The following SSX3 variants were observed in gnomAD, a reference collection of about 807,000 sequenced individuals.
The protein encoded by SSX3 is protein SSX3.
In SSX3, 6 loss-of-function variants were observed where a neutral mutation model predicts 14.8. The ratio of observed to expected loss-of-function variants is 0.41; its 90% CI spans 0.22 to 0.80. The LOEUF is 0.80. SSX3 is among the 30% of genes least tolerant of loss of function. The pLI, the probability that SSX3 is intolerant of heterozygous loss-of-function variation, is 0.34. For synonymous variants in SSX3, 55 were observed against 52.9 expected, an observed-to-expected ratio of 1.04 and a Z score of -0.18; for missense variants, 163 against 152.2, an observed-to-expected ratio of 1.07 and a Z score of -0.37.
rs781964232 is a variant in SSX3 at position 48,354,083 on chromosome X, T to C, written c.196A>G (p.Ile66Val). Reference sequence around the variant, plus strand: ...TTATTACGCATGAAAGATGGGAGGATGGCCTTGAAACCTAGAAAGAAGCAA... The same window carrying C: ...TTATTACGCATGAAAGATGGGAGGACGGCCTTGAAACCTAGAAAGAAGCAA... ...EAMTKLGFKA[I>V]LPSFMRNKRV... The change falls in exon 4 of 8, where the codon ATC becomes GTC. Residue 66 changes from isoleucine (I) to valine (V), a missense_variant. Transcript: ENST00000298396. The C allele has an allele frequency of 8.3e-7, 1 of 1,208,152 alleles. No individual in the cohort carries two copies. Among genetic ancestry groups the C allele is most frequent in the Admixed American group, 2.2e-5 (1 of 45,799 alleles).
Position 48,346,981 on chromosome X carries a change from G to A in SSX3, c.*59C>T, listed in dbSNP as rs1353191039. ...GGGGTCCACAGCCATGCCCATGTTC[G>A]TGAAAGGTCACCACGTTCTGCTTCT... On this transcript the variant is annotated 3_prime_UTR_variant, in exon 8 of 8. Coordinates refer to ENST00000298396, the MANE Select transcript of SSX3 (RefSeq NM_021014.4). 1.8e-5 allele frequency: 21 copies of A among 1,196,059 alleles called. No homozygotes were observed. The highest frequency in any genetic ancestry group is 2.2e-5 in the Admixed American group (1 of 45,681).
At chrX:48,353,479 G>A (rs1297893751) in intron 4 of SSX3, among the ~76,000 whole-genome samples, 5 of 111,203 alleles carry the variant, frequency 4.5e-5, no homozygotes, top group Admixed American at 1.9e-4. Context: ...TAAAAAATGA[G>A]CTGAGTGTGG....
At chrX:48,352,394 T>C in intron 4 of SSX3, 1 of 375,009 alleles carries the variant, frequency 2.7e-6, no homozygotes, top group Non-Finnish European at 4.8e-6. Flanking sequence ...AGTCTCATCT[T>C]ATTCGATTAC....
chrX:48,347,084 C>G, intron 7 of SSX3, 49 bp from the exon 8 acceptor site: 2 of 1,187,874 alleles, frequency 1.7e-6, no homozygotes, highest in Admixed American at 2.2e-5. Flanking sequence ...GTTCCCACCA[C>G]GTGACAACTC....
intron 5 of SSX3, 29 bp from the exon 6 acceptor site, chrX:48,350,151 A>G: frequency 3.3e-6 from 4 of 1,208,742 alleles, no homozygotes; most frequent in Non-Finnish European, 4.5e-6. Context: ...ATAGATAAAT[A>G]GTATCAGTGA....
At chrX:48,349,339 GA>G in intron 6 of SSX3, 1 of 445,844 alleles carries the variant, frequency 2.2e-6, no homozygotes, top group Admixed American at 5.1e-5. Context: ...CATCAACACC[GA>G]GGCAAGACCC....
Position 48,354,151 on chromosome X carries a change from G to C in SSX3, c.185-57C>G, listed in dbSNP as rs782471901. The C allele has an allele frequency of 5.2e-5, 54 of 1,030,004 alleles. No homozygotes were observed. The South Asian group carries it at 1.0e-3, about 19-fold the overall frequency. 84.9% of individuals were successfully genotyped at this position (1,030,004 alleles called of 1,213,427 possible). On this transcript the variant is annotated intron_variant, in intron 3 of 7. Transcript: ENST00000298396. Reference sequence around the variant, plus strand: ...AGACAAGCTTGGGCCTGGTACGGTGGCTCATGTCTGTAGTACCAACACTTT... The same window carrying C: ...AGACAAGCTTGGGCCTGGTACGGTGCCTCATGTCTGTAGTACCAACACTTT...
intron 7 of SSX3, 86 bp from the exon 8 acceptor site, chrX:48,347,121 C>T: frequency 3.6e-6 from 4 of 1,109,620 alleles, no homozygotes; most frequent in Non-Finnish European, 4.9e-6. Context: ...GACCTGCAGA[C>T]CCTGCACACT....
Position 48,355,814 on chromosome X carries a change from C to G in SSX3, c.-20-545G>C, listed in dbSNP as rs189881183. On this transcript the variant is annotated intron_variant, in intron 1 of 7. Transcript: ENST00000298396. Reference sequence around the variant, plus strand: ...CTGGGTGATTTGTAAGTTATTAGAACGAAGAGAGCTAGAATTTCTGAGACT... The same window carrying G: ...CTGGGTGATTTGTAAGTTATTAGAAGGAAGAGAGCTAGAATTTCTGAGACT... Among the ~76,000 whole-genome samples the G allele has an allele frequency of 2.3e-3, 257 of 111,519 alleles. 3 individuals are homozygous for G. The highest frequency in any genetic ancestry group is 7.8e-3 in the African/African-American group (238 of 30,665).
chrX:48,350,602 T>G (rs2146664186), intron 5 of SSX3, among the ~76,000 whole-genome samples: 1 of 109,049 alleles, frequency 9.2e-6, no homozygotes, highest in Non-Finnish European at 1.9e-5. Context: ...GAGAGGGAAA[T>G]AAATGGCTTG....
At position 48,346,996 on chromosome X, in the gene SSX3, G is replaced by A. The variant is rs1383648686; in HGVS notation, c.*44C>T. On this transcript the variant is annotated 3_prime_UTR_variant, in exon 8 of 8. Coordinates refer to ENST00000298396, the MANE Select transcript of SSX3 (RefSeq NM_021014.4). ...GCCCATGTTCGTGAAAGGTCACCAC[G>A]TTCTGCTTCTCATCATGGGCATGTG... The A allele has an allele frequency of 1.7e-4, 198 of 1,196,293 alleles. 1 individual carries two copies. The highest frequency in any genetic ancestry group is 2.1e-4 in the Non-Finnish European group (185 of 895,012).
chrX:48,346,995 C>G lies in SSX3; in HGVS notation c.*45G>C, dbSNP rs1239579302. On this transcript the variant is annotated 3_prime_UTR_variant, in exon 8 of 8. Transcript: ENST00000298396. Reference sequence around the variant, plus strand: ...TGCCCATGTTCGTGAAAGGTCACCACGTTCTGCTTCTCATCATGGGCATGT... The same window carrying G: ...TGCCCATGTTCGTGAAAGGTCACCAGGTTCTGCTTCTCATCATGGGCATGT... 2 of 1,198,117 alleles carry G rather than the reference C, an allele frequency of 1.7e-6. No homozygotes were observed. Among genetic ancestry groups the G allele is most frequent in the Non-Finnish European group, 2.2e-6 (2 of 895,270 alleles).
Position 48,354,069 on chromosome X carries a change from G to A in SSX3, c.210C>T (p.Phe70=), listed in dbSNP as rs782019918. 4.1e-6 allele frequency: 5 copies of A among 1,209,223 alleles called. No individual in the cohort carries two copies. The South Asian group carries it at 8.8e-5, about 21-fold the overall frequency. Residue 70 remains phenylalanine (F), a synonymous_variant, in exon 4 of 8, where the codon TTC becomes TTT. Transcript: ENST00000298396. ...KLGFKAILPS[F]MRNKRVTDFQ... is the part of the protein sequence containing the mutation. ...AGTCTGTGACCCGTTTATTACGCAT[G>A]AAAGATGGGAGGATGGCCTTGAAAC... is the stretch of plus-strand genomic sequence containing the variant.
At chrX:48,350,294 G>A (rs1167361917) in intron 5 of SSX3, among the ~76,000 whole-genome samples, 172 bp from the exon 6 acceptor site, 1 of 111,034 alleles carries the variant, frequency 9.0e-6, no homozygotes, top group Non-Finnish European at 1.9e-5. Flanking sequence ...GAAGGGAAAG[G>A]AATGGCCTAA....
In SSX3 at chrX:48,346,954, G is replaced by A. The variant is rs2061241764; in HGVS notation, c.*86C>T. 8 of 1,191,849 alleles carry A rather than the reference G, an allele frequency of 6.7e-6. No homozygotes were observed. Among genetic ancestry groups the A allele is most frequent in the South Asian group, 3.5e-5 (2 of 56,646 alleles). On this transcript the variant is annotated 3_prime_UTR_variant, in exon 8 of 8. Coordinates refer to ENST00000298396, the MANE Select transcript of SSX3 (RefSeq NM_021014.4). ...TTTCACTTGCTATGCACCTGATGAC[G>A]AGGGGTCCACAGCCATGCCCATGTT... is the stretch of plus-strand genomic sequence containing the variant.
rs2061273992 is a variant in SSX3, at chrX:48,353,926, C to T, written c.280+73G>A. On this transcript the variant is annotated intron_variant, in intron 4 of 7. Coordinates refer to ENST00000298396, the MANE Select transcript of SSX3 (RefSeq NM_021014.4). Reference sequence around the variant, plus strand: ...TATGAGGGAACAAATGCCTGAGGCTCTTTCCCAGGTAGCTGAGCTGAAAAG... The same window carrying T: ...TATGAGGGAACAAATGCCTGAGGCTTTTTCCCAGGTAGCTGAGCTGAAAAG... 4 of 1,069,719 alleles carry T rather than the reference C, an allele frequency of 3.7e-6. No individual in the cohort carries two copies. The South Asian group carries it at 5.6e-5, about 15-fold the overall frequency. The allele number at this position is 1,069,719 out of a possible 1,213,427, so 88.2% of individuals were successfully genotyped here.
intron 6 of SSX3, chrX:48,349,568 G>C (rs781927900): frequency 8.3e-7 from 1 of 1,210,022 alleles, no homozygotes; most frequent in Non-Finnish European, 1.1e-6. Flanking sequence ...AACCGAACCT[G>C]CAGTATCTCT....
chrX:48,349,560 C>G lies in SSX3; in HGVS notation c.466+427G>C, dbSNP rs149282166. 6.6e-6 allele frequency: 8 copies of G among 1,209,938 alleles called. No individual in the cohort carries two copies. The Admixed American group carries it at 1.7e-4, about 26-fold the overall frequency. On this transcript the variant is annotated intron_variant, in intron 6 of 7. Coordinates refer to ENST00000298396, the MANE Select transcript of SSX3 (RefSeq NM_021014.4). ...CTCACTTTATTGCAGTGGTCTGGAA[C>G]CGAACCTGCAGTATCTCTGAAGGAC...
intron 5 of SSX3, among the ~76,000 whole-genome samples, chrX:48,351,814 C>G (rs1277380716): frequency 5.3e-5 from 6 of 112,434 alleles, no homozygotes; most frequent in African/African-American, 1.9e-4. Context: ...AAATGTGTTA[C>G]TCATTATTAT....
Sources: allele counts gnomAD v4.1 joint callset (sites outside exome capture counted in the v4.1 genomes callset), GRCh38; gene constraint gnomAD v4.1.1; transcripts MANE v1.5; gene names NCBI Gene and HGNC (gene_info 2026-07-23, HGNC 2026-07-21).